The following TMEM177 variants were observed in gnomAD, a reference collection of about 807,000 sequenced individuals.
TMEM177 encodes the protein transmembrane protein 177.
Under a neutral mutation model 14.2 loss-of-function variants are expected in TMEM177, and 4 were observed. The ratio of observed to expected loss-of-function variants is 0.28; its 90% CI spans 0.14 to 0.64. TMEM177 has a LOEUF of 0.64. Ranked by LOEUF, TMEM177 falls within the 30% of genes least tolerant of loss-of-function variation. TMEM177 has a pLI of 0.82. For synonymous variants in TMEM177, 179 were observed against 174.5 expected, an observed-to-expected ratio of 1.03 and a Z score of -0.20; for missense variants, 344 against 405.2, an observed-to-expected ratio of 0.85 and a Z score of 1.30.
At chr2:119,697,360 A>C in the TMEM177 span, among the ~76,000 whole-genome samples, 2 of 152,304 alleles carry the variant, frequency 1.3e-5, no homozygotes, top group East Asian at 3.9e-4. Context: ...TAGGAATTTG[A>C]GATCAGCCCA....
downstream of TMEM177, among the ~76,000 whole-genome samples, chr2:119,688,073 T>C (rs1227439113): frequency 3.9e-5 from 6 of 152,318 alleles, no homozygotes; most frequent in Non-Finnish European, 7.3e-5. Context: ...AAATGTTGAA[T>C]AGCAGTGACT....
chr2:119,680,019 C>G (rs138274074), intron 1 of TMEM177, among the ~76,000 whole-genome samples: 170 of 152,300 alleles, frequency 1.1e-3, no homozygotes, highest in African/African-American at 3.8e-3. Flanking sequence ...GACCTCCCTT[C>G]TTGGCTTGTA....
the TMEM177 span, among the ~76,000 whole-genome samples, chr2:119,718,709 TGAA>T: frequency 1.3e-5 from 2 of 152,030 alleles, no homozygotes; most frequent in Non-Finnish European, 2.9e-5. Context: ...GGAGAGAAAG[TGAA>T]GAACAGTTGA....
chr2:119,687,064 G>GC (rs879472140), downstream of TMEM177, among the ~76,000 whole-genome samples: 2,138 of 152,318 alleles, frequency 0.014, 22 homozygotes, highest in Non-Finnish European at 0.021. Context: ...ATAGAATACA[G>GC]ATATACATTG....
At chr2:119,700,535 T>C in the TMEM177 span, among the ~76,000 whole-genome samples, 2 of 152,164 alleles carry the variant, frequency 1.3e-5, no homozygotes, top group African/African-American at 2.4e-5. Context: ...ATGGGGAGAT[T>C]GTCTGCTTTG....
chr2:119,688,961 C>T (rs984522057), downstream of TMEM177, among the ~76,000 whole-genome samples: 4 of 152,188 alleles, frequency 2.6e-5, no homozygotes, highest in Admixed American at 1.3e-4. Context: ...GCAAGTGGAT[C>T]GTGGGACTCC....
the TMEM177 span, among the ~76,000 whole-genome samples, chr2:119,696,156 T>G: frequency 6.6e-6 from 1 of 151,956 alleles, no homozygotes; most frequent in East Asian, 1.9e-4. Context: ...AATGCATGAG[T>G]GAGGTATAGG....
the TMEM177 span, among the ~76,000 whole-genome samples, chr2:119,710,362 A>G: frequency 6.6e-6 from 1 of 152,204 alleles, no homozygotes; most frequent in South Asian, 2.1e-4. Context: ...ATTCCAGATC[A>G]TGGATGCCCG....
the TMEM177 span, among the ~76,000 whole-genome samples, chr2:119,692,749 G>A: frequency 6.6e-6 from 1 of 152,084 alleles, no homozygotes; most frequent in African/African-American, 2.4e-5. Context: ...AAGGCAGGTG[G>A]ATCACTTGAG....
At chr2:119,695,643 A>G in the TMEM177 span, among the ~76,000 whole-genome samples, 3,983 of 152,344 alleles carry the variant, frequency 0.026, 55 homozygotes, top group Non-Finnish European at 0.032. Flanking sequence ...AGCACCCGCT[A>G]TGTACAAGCC....
At chr2:119,715,379 C>T in the TMEM177 span, among the ~76,000 whole-genome samples, 1 of 152,102 alleles carries the variant, frequency 6.6e-6, no homozygotes, top group Admixed American at 6.5e-5. Context: ...GAGCAAGACC[C>T]TGCCTCAAAG....
the TMEM177 span, among the ~76,000 whole-genome samples, chr2:119,718,127 A>T: frequency 2.6e-5 from 4 of 152,178 alleles, no homozygotes; most frequent in Admixed American, 6.5e-5. Flanking sequence ...CTTAAATCAG[A>T]GCAAAAGGAA....
downstream of TMEM177, among the ~76,000 whole-genome samples, chr2:119,685,265 C>G (rs1267286464): frequency 7.3e-6 from 1 of 137,792 alleles, no homozygotes; most frequent in Non-Finnish European, 1.5e-5. Context: ...CACACACACA[C>G]ATCTGGATAC....
At chr2:119,700,040 C>G in the TMEM177 span, 1 of 286,460 alleles carries the variant, frequency 3.5e-6, no homozygotes, top group Non-Finnish European at 6.8e-6. Context: ...CCTGCCACAT[C>G]GAGATCATCC....
At chr2:119,700,941 G>C in the TMEM177 span, among the ~76,000 whole-genome samples, 1 of 152,198 alleles carries the variant, frequency 6.6e-6, no homozygotes, top group Non-Finnish European at 1.5e-5. Flanking sequence ...TGGCAACCGC[G>C]ATCACAGGGA....
chr2:119,690,139 G>A (rs894766566), downstream of TMEM177, among the ~76,000 whole-genome samples: 2 of 152,210 alleles, frequency 1.3e-5, no homozygotes, highest in Admixed American at 1.3e-4. Flanking sequence ...GGCCTGGTGG[G>A]AGGTGATTGG....
the TMEM177 span, among the ~76,000 whole-genome samples, chr2:119,706,372 G>A: frequency 6.6e-6 from 1 of 152,116 alleles, no homozygotes; most frequent in Admixed American, 6.6e-5. Flanking sequence ...GAAATGGAAG[G>A]GGTGGCCTCA....
rs371938084 is a variant in TMEM177, at chr2:119,680,839, G to A, written c.-15G>A. 42 of 1,603,976 alleles carry A rather than the reference G, an allele frequency of 2.6e-5. No homozygotes were observed. The highest frequency in any genetic ancestry group is 1.7e-4 in the Middle Eastern group (1 of 6,012). On this transcript the variant is annotated 5_prime_UTR_variant, in exon 2 of 2. Coordinates refer to ENST00000272521, the MANE Select transcript of TMEM177 (RefSeq NM_030577.3). ...CTCTTTTTCTTGGCCCAGATTGTCCGCAGTGACTACACTCATGGCAGGTCC... is the reference window on the plus strand; with the variant it reads ...CTCTTTTTCTTGGCCCAGATTGTCCACAGTGACTACACTCATGGCAGGTCC...
the TMEM177 span, among the ~76,000 whole-genome samples, chr2:119,717,701 C>T: frequency 2.3e-3 from 351 of 151,288 alleles, 1 homozygote; most frequent in African/African-American, 7.9e-3. Context: ...CTCCACCTCC[C>T]GGGTTCAAGC....
Sources: allele counts gnomAD v4.1 joint callset (sites outside exome capture counted in the v4.1 genomes callset), GRCh38; gene constraint gnomAD v4.1.1; transcripts MANE v1.5; gene names NCBI Gene and HGNC (gene_info 2026-07-23, HGNC 2026-07-21).